Variants in WWOX observed in about 807,000 individuals in gnomAD.
WWOX encodes WW domain-containing oxidoreductase.
Under a neutral mutation model 46.2 loss-of-function variants are expected in WWOX, and 69 were observed. The observed-to-expected ratio is 1.49, with a 90% CI of 1.23 to 1.82. The LOEUF is 1.82. Ranked by LOEUF, WWOX falls within the 40% of genes most tolerant of loss-of-function variation. WWOX has a pLI of 0.00. For missense variants in WWOX, 919 were observed against 542.6 expected (o/e 1.69, Z -6.89); for synonymous variants, 359 against 202.6 (o/e 1.77, Z -6.56).
At chr16:78,724,689 A>G (rs911872789) in intron 8 of WWOX, among the ~76,000 whole-genome samples, 1 of 152,094 alleles carries the variant, frequency 6.6e-6, no homozygotes, top group East Asian at 1.9e-4. Context: ...TCAGCTCGTC[A>G]CCCTTGAGAT....
intron 5 of WWOX, among the ~76,000 whole-genome samples, chr16:78,374,781 A>T (rs11150070): frequency 0.63 from 96,096 of 151,536 alleles, 31,852 homozygotes; most frequent in Middle Eastern, 0.71. Flanking sequence ...TGATCTCCTG[A>T]CCTTGTGGTC....
intron 8 of WWOX, among the ~76,000 whole-genome samples, chr16:78,501,359 G>A (rs1417617560): frequency 6.6e-6 from 1 of 151,790 alleles, no homozygotes; most frequent in African/African-American, 2.4e-5. Flanking sequence ...AGCTTAAGAT[G>A]ACCTCCTCTA....
At chr16:78,362,853 G>C (rs2081440589) in intron 5 of WWOX, among the ~76,000 whole-genome samples, 1 of 152,174 alleles carries the variant, frequency 6.6e-6, no homozygotes, top group African/African-American at 2.4e-5. Context: ...TGCTTGCAAA[G>C]ATGAGGGAAG....
At chr16:78,706,706 C>A (rs182080749) in intron 8 of WWOX, among the ~76,000 whole-genome samples, 1 of 152,304 alleles carries the variant, frequency 6.6e-6, no homozygotes, top group East Asian at 1.9e-4. Flanking sequence ...CTTGCAGTTT[C>A]CCTTTTGACC....
At chr16:79,001,162 C>T (rs1159502872) in intron 8 of WWOX, among the ~76,000 whole-genome samples, 1 of 152,198 alleles carries the variant, frequency 6.6e-6, no homozygotes. Context: ...ATTTAATTTG[C>T]TGCTGAATGC....
chr16:78,690,097 G>C (rs1487912412), intron 8 of WWOX, among the ~76,000 whole-genome samples: 5 of 152,136 alleles, frequency 3.3e-5, no homozygotes, highest in Admixed American at 2.6e-4. Context: ...CTGACCTCAG[G>C]TGATCCATCC....
intron 8 of WWOX, among the ~76,000 whole-genome samples, chr16:79,164,737 TGTG>T (rs946559499): frequency 1.3e-5 from 2 of 152,158 alleles, no homozygotes; most frequent in African/African-American, 4.8e-5. Flanking sequence ...TCCACTCGCA[TGTG>T]GTGGTCAGAT....
intron 5 of WWOX, among the ~76,000 whole-genome samples, chr16:78,319,465 T>A (rs576910356): frequency 5.3e-4 from 80 of 152,156 alleles, no homozygotes; most frequent in African/African-American, 1.9e-3. Context: ...TTTCATCATG[T>A]TGCCCAGGCT....
At chr16:78,746,863 G>GA (rs1386063522) in intron 8 of WWOX, among the ~76,000 whole-genome samples, 1 of 152,068 alleles carries the variant, frequency 6.6e-6, no homozygotes, top group African/African-American at 2.4e-5. Flanking sequence ...GTGAACCCTT[G>GA]AAATTTTGAG....
At chr16:78,357,045 C>A (rs1244304101) in intron 5 of WWOX, among the ~76,000 whole-genome samples, 1 of 152,150 alleles carries the variant, frequency 6.6e-6, no homozygotes, top group Non-Finnish European at 1.5e-5. Flanking sequence ...TATCAAGATA[C>A]AGGGATGGAT....
At chr16:78,636,326 C>T (rs554270633) in intron 8 of WWOX, among the ~76,000 whole-genome samples, 3 of 152,196 alleles carry the variant, frequency 2.0e-5, no homozygotes, top group South Asian at 2.1e-4. Context: ...CCAAAGACCC[C>T]CACCTTTGAA....
At chr16:78,898,372 T>G (rs2151238029) in intron 8 of WWOX, 1 of 152,298 alleles carries the variant, frequency 6.6e-6, no homozygotes, top group South Asian at 2.1e-4. Flanking sequence ...ACTCTCCAAT[T>G]GTTCTAGCAC....
At chr16:79,186,988 C>G (rs760761566) in intron 8 of WWOX, among the ~76,000 whole-genome samples, 4 of 152,050 alleles carry the variant, frequency 2.6e-5, no homozygotes, top group Non-Finnish European at 4.4e-5. Context: ...ATTTCAAAAG[C>G]CAGAAGTGCT....
intron 4 of WWOX, among the ~76,000 whole-genome samples, chr16:78,147,710 G>C (rs552117909): frequency 1.6e-4 from 18 of 116,110 alleles, no homozygotes; most frequent in Non-Finnish European, 2.6e-4. Flanking sequence ...AAAAAAAAAG[G>C]TGCTTGAATT....
chr16:78,134,553 C>T (rs578110407), intron 4 of WWOX, among the ~76,000 whole-genome samples: 1 of 152,084 alleles, frequency 6.6e-6, no homozygotes, highest in Non-Finnish European at 1.5e-5. Context: ...TGTTTAGTTT[C>T]ATATTTTACT....
chr16:79,028,419 C>T (rs762834348), intron 8 of WWOX, among the ~76,000 whole-genome samples: 4 of 151,750 alleles, frequency 2.6e-5, no homozygotes, highest in Admixed American at 6.6e-5. Flanking sequence ...AGGCAGTGTA[C>T]AGCGCTTATC....
chr16:78,873,276 C>T (rs1313304916), intron 8 of WWOX: 1 of 152,178 alleles, frequency 6.6e-6, no homozygotes, highest in Admixed American at 6.5e-5. Context: ...TTGAATGTCA[C>T]TAATTACCAA....
At chr16:78,928,663 GA>G (rs57026083) in intron 8 of WWOX, among the ~76,000 whole-genome samples, 3 of 151,012 alleles carry the variant, frequency 2.0e-5, no homozygotes, top group Non-Finnish European at 2.9e-5. Flanking sequence ...TGACTTACTG[GA>G]AAAAAAAATA....
At chr16:79,207,229 T>A (rs2051545277) in intron 8 of WWOX, among the ~76,000 whole-genome samples, 3 of 152,168 alleles carry the variant, frequency 2.0e-5, no homozygotes, top group African/African-American at 7.2e-5. Flanking sequence ...ATTCACAGAG[T>A]CAATGGATAA....
Sources: gnomAD v4.1 joint callset for allele counts (sites outside exome capture counted in the v4.1 genomes callset) on GRCh38, gnomAD v4.1.1 for gene constraint, MANE v1.5 for transcripts, NCBI Gene and HGNC (gene_info 2026-07-23, HGNC 2026-07-21) for gene names.